The following CDC5L variants were observed in gnomAD, a reference collection of about 807,000 sequenced individuals.
CDC5L encodes the protein cell division cycle 5-like protein.
Under a neutral mutation model 104.1 loss-of-function variants are expected in CDC5L, and 18 were observed. That is an observed-to-expected ratio of 0.17 (90% CI 0.12 to 0.26). The LOEUF (loss-of-function observed/expected upper bound fraction) is 0.26. Among genes scored for constraint, CDC5L ranks in the 10% least tolerant of loss-of-function variants. The probability of loss-of-function intolerance (pLI) is 1.00; values close to 1 mark genes in which losing one functional copy is unlikely to be tolerated. For missense variants in CDC5L, 673 were observed against 956.9 expected, an observed-to-expected ratio of 0.70 and a Z score of 3.91; for synonymous variants, 331 against 322.7, an observed-to-expected ratio of 1.03 and a Z score of -0.28.
At chr6:44,392,941 C>T (rs1023439347) in intron 3 of CDC5L, 113 bp downstream of exon 3, 1 of 919,620 alleles carries the variant, frequency 1.1e-6, no homozygotes, top group South Asian at 1.9e-5. Context: ...TGAGTAAACC[C>T]AAAGCTAAAG....
intron 14 of CDC5L, among the ~76,000 whole-genome samples, chr6:44,436,951 G>T (rs1792967189): frequency 6.6e-6 from 1 of 152,110 alleles, no homozygotes. Flanking sequence ...TTTTATTTAA[G>T]ACTATTAGAA....
chr6:44,406,849 G>T (rs1791387815), intron 7 of CDC5L, among the ~76,000 whole-genome samples: 3 of 152,052 alleles, frequency 2.0e-5, no homozygotes. Flanking sequence ...GGAGGTGGAG[G>T]TTGCAGTGAG....
At chr6:44,434,681 C>A (rs576824550) in intron 14 of CDC5L, among the ~76,000 whole-genome samples, 1 of 152,164 alleles carries the variant, frequency 6.6e-6, no homozygotes, top group African/African-American at 2.4e-5. Flanking sequence ...TGTTTCTGAA[C>A]CTCACTGTAA....
intron 8 of CDC5L, among the ~76,000 whole-genome samples, chr6:44,417,188 G>A (rs951560212): frequency 1.3e-5 from 2 of 152,216 alleles, no homozygotes; most frequent in East Asian, 3.9e-4. Flanking sequence ...TGATGGATAG[G>A]GGATAGAGTC....
chr6:44,411,996 T>C (rs1791663661), intron 8 of CDC5L, among the ~76,000 whole-genome samples: 2 of 152,136 alleles, frequency 1.3e-5, no homozygotes, highest in Non-Finnish European at 2.9e-5. Context: ...TGGAGGGACC[T>C]AAACAGTCCA....
chr6:44,433,004 G>C (rs562686012), intron 14 of CDC5L, among the ~76,000 whole-genome samples: 3 of 152,128 alleles, frequency 2.0e-5, no homozygotes, highest in African/African-American at 7.2e-5. Flanking sequence ...TAAAGTGATT[G>C]CTATTTATAG....
intron 7 of CDC5L, among the ~76,000 whole-genome samples, chr6:44,407,308 A>T (rs1254025230): frequency 6.6e-6 from 1 of 152,042 alleles, no homozygotes; most frequent in Non-Finnish European, 1.5e-5. Flanking sequence ...AGTTGGTCAG[A>T]AACATGGGAC....
At chr6:44,435,995 C>T (rs1185589753) in intron 14 of CDC5L, among the ~76,000 whole-genome samples, 1 of 152,000 alleles carries the variant, frequency 6.6e-6, no homozygotes, top group East Asian at 2.0e-4. Context: ...TCAGGCTGGT[C>T]TTGAACTCCT....
At chr6:44,437,071 G>C (rs1459827135) in intron 14 of CDC5L, among the ~76,000 whole-genome samples, 1 of 152,160 alleles carries the variant, frequency 6.6e-6, no homozygotes, top group African/African-American at 2.4e-5. Flanking sequence ...AAATCTGACT[G>C]GTTAAATCTG....
In CDC5L at chr6:44,429,870, G is replaced by A; in HGVS notation, c.2051G>A (p.Ser684Asn). Reference protein sequence around the residue: ...QSRYTRANLASKKDRIESLEK... With the variant: ...QSRYTRANLANKKDRIESLEK... ...CGCTACACACGGGCCAATCTGGCTA[G>A]TAAAAAGGACAGAATTGAATCACTT... Residue 684 changes from serine to asparagine, a missense_variant, in exon 14 of 16, where the codon AGT becomes AAT. Physicochemically the swap from Ser to Asn is conservative, Grantham distance 46. Coordinates refer to ENST00000371477, the MANE Select transcript of CDC5L (RefSeq NM_001253.4). 6.2e-7 allele frequency: 1 copy of A among 1,614,044 alleles called. No individual in the cohort carries two copies. The highest frequency in any genetic ancestry group is 8.5e-7 in the Non-Finnish European group (1 of 1,179,936).
intron 11 of CDC5L, 34 bp downstream of exon 11, chr6:44,424,617 G>A (rs779233896): frequency 2.5e-6 from 4 of 1,605,826 alleles, no homozygotes; most frequent in South Asian, 1.1e-5. Flanking sequence ...CGTGAGTTTG[G>A]CTGAATGTGT....
intron 4 of CDC5L, among the ~76,000 whole-genome samples, chr6:44,395,603 AGGCTGTGGCTAGGCT>A (rs1386775470): frequency 1.2e-4 from 18 of 152,250 alleles, no homozygotes; most frequent in Admixed American, 9.8e-4. Flanking sequence ...TCCCAAAGGC[AGGCTGTGGCTAGGCT>A]GGCTGCATCA....
intron 14 of CDC5L, among the ~76,000 whole-genome samples, chr6:44,442,591 T>C (rs1434739694): frequency 6.6e-6 from 1 of 152,204 alleles, no homozygotes; most frequent in Non-Finnish European, 1.5e-5. Context: ...TTTACACCCC[T>C]TTCTCCCATA....
chr6:44,426,760 A>G lies in CDC5L; in HGVS notation c.1893+36A>G. ...GCTGGAATATTTCTTCTTGAGATTT[A>G]GGTAGTTGTTAGGTGCTGTGTATCA... is the stretch of plus-strand genomic sequence containing the variant. On this transcript the variant is annotated intron_variant, in intron 13 of 15. Coordinates refer to ENST00000371477, the MANE Select transcript of CDC5L (RefSeq NM_001253.4). The G allele has an allele frequency of 2.5e-6, 4 of 1,603,842 alleles. No individual in the cohort carries two copies. In the South Asian group the frequency reaches 3.3e-5, roughly 13 times the overall value.
rs527861781 is a variant in CDC5L at position 44,394,935 on chromosome 6, A to G, written c.439+1362A>G. Among the ~76,000 whole-genome samples, 7 of 151,900 alleles carry G rather than the reference A, an allele frequency of 4.6e-5. No homozygotes were observed. In the South Asian group the frequency reaches 1.0e-3, roughly 23 times the overall value. ...ACACACACACGAATACTATTTGGTC[A>G]TAAAAAGCAATGAAATCATGTCATT... On this transcript the variant is annotated intron_variant, in intron 4 of 15. Coordinates refer to ENST00000371477, the MANE Select transcript of CDC5L (RefSeq NM_001253.4).
chr6:44,412,423 G>A (rs901497842), intron 8 of CDC5L, among the ~76,000 whole-genome samples: 1 of 151,192 alleles, frequency 6.6e-6, no homozygotes, highest in Non-Finnish European at 1.5e-5. Flanking sequence ...ACAGGGTTTC[G>A]CCATATTGCC....
Position 44,387,740 on chromosome 6 carries a change from C to G in CDC5L, c.-84C>G. 2 of 1,234,896 alleles carry G rather than the reference C, an allele frequency of 1.6e-6. No individual in the cohort carries two copies. The highest frequency in any genetic ancestry group is 1.3e-5 in the South Asian group (1 of 77,364). The allele number at this position is 1,234,896 out of a possible 1,614,324, so 76.5% of individuals were successfully genotyped here. On this transcript the variant is annotated 5_prime_UTR_variant, in exon 1 of 16. Transcript: ENST00000371477. Reference sequence around the variant, plus strand: ...AGAAGGTCGCGCTTGGAGGAAGTGGCGGCTTTGAGTCCGGTGGCCCAATCG... The same window carrying G: ...AGAAGGTCGCGCTTGGAGGAAGTGGGGGCTTTGAGTCCGGTGGCCCAATCG...
At chr6:44,412,057 G>A (rs991403309) in intron 8 of CDC5L, among the ~76,000 whole-genome samples, 1 of 152,140 alleles carries the variant, frequency 6.6e-6, no homozygotes, top group Non-Finnish European at 1.5e-5. Context: ...AATAACAGGG[G>A]GCAATAATGG....
intron 14 of CDC5L, among the ~76,000 whole-genome samples, chr6:44,438,796 G>C (rs1461424330): frequency 6.6e-6 from 1 of 151,642 alleles, no homozygotes; most frequent in Non-Finnish European, 1.5e-5. Context: ...TTGAAGATGA[G>C]GAATTTTTTT....
Sources: gnomAD v4.1 joint callset for allele counts (sites outside exome capture counted in the v4.1 genomes callset) on GRCh38, gnomAD v4.1.1 for gene constraint, MANE v1.5 for transcripts, NCBI Gene and HGNC (gene_info 2026-07-23, HGNC 2026-07-21) for gene names.